Variants in PCSK2 observed in about 807,000 individuals in gnomAD.
PCSK2 encodes proprotein convertase subtilisin/kexin type 2.
Under a neutral mutation model 69.7 loss-of-function variants are expected in PCSK2, and 14 were observed. The ratio of observed to expected loss-of-function variants is 0.20; its 90% CI spans 0.13 to 0.31. The LOEUF (loss-of-function observed/expected upper bound fraction) is 0.31. Among genes scored for constraint, PCSK2 ranks in the 10% least tolerant of loss-of-function variants. The pLI is 1.00. For missense variants in PCSK2, 544 were observed against 842.5 expected, an observed-to-expected ratio of 0.65 and a Z score of 4.39; for synonymous variants, 307 against 320.7, an observed-to-expected ratio of 0.96 and a Z score of 0.46.
chr20:17,274,993 A>C (rs1436576154), intron 2 of PCSK2, among the ~76,000 whole-genome samples: 2 of 151,468 alleles, frequency 1.3e-5, no homozygotes, highest in African/African-American at 4.8e-5. Flanking sequence ...GTTTATATTT[A>C]ACTCGTAAAC....
chr20:17,304,233 T>C (rs903064844), intron 2 of PCSK2, among the ~76,000 whole-genome samples: 7 of 152,180 alleles, frequency 4.6e-5, no homozygotes, highest in African/African-American at 1.7e-4. Context: ...TTATGACCTA[T>C]TGTAAGTTTT....
chr20:17,342,889 C>T (rs1415139201), intron 2 of PCSK2, among the ~76,000 whole-genome samples: 1 of 152,026 alleles, frequency 6.6e-6, no homozygotes, highest in African/African-American at 2.4e-5. Flanking sequence ...CTCCTGGCTT[C>T]AAGGAATCCT....
chr20:17,361,275 C>A (rs2030384752), intron 4 of PCSK2, among the ~76,000 whole-genome samples: 1 of 152,178 alleles, frequency 6.6e-6, no homozygotes, highest in Admixed American at 6.5e-5. Context: ...TGTAAAGTAG[C>A]CTTTGATAAC....
At chr20:17,469,729 T>C (rs1173018037) in intron 11 of PCSK2, among the ~76,000 whole-genome samples, 1 of 152,110 alleles carries the variant, frequency 6.6e-6, no homozygotes, top group African/African-American at 2.4e-5. Context: ...ACAGTGCCAT[T>C]ACTGATGACA....
chr20:17,448,725 C>A (rs575486684), intron 8 of PCSK2, among the ~76,000 whole-genome samples: 5 of 152,234 alleles, frequency 3.3e-5, no homozygotes, highest in Admixed American at 2.6e-4. Flanking sequence ...AAAAAGTCCA[C>A]ACTAGTTGAG....
At chr20:17,421,456 G>A (rs547566676) in intron 6 of PCSK2, among the ~76,000 whole-genome samples, 2 of 152,220 alleles carry the variant, frequency 1.3e-5, no homozygotes, top group South Asian at 2.1e-4. Flanking sequence ...GCCAGCAAAC[G>A]TGGTCGACGC....
chr20:17,402,818 G>A (rs981153748), intron 5 of PCSK2, among the ~76,000 whole-genome samples: 40 of 152,170 alleles, frequency 2.6e-4, no homozygotes, highest in African/African-American at 8.7e-4. Flanking sequence ...TTAGCCAGGC[G>A]TGGTGGTGGG....
chr20:17,457,003 A>G (rs370461032), intron 10 of PCSK2, among the ~76,000 whole-genome samples: 7 of 152,226 alleles, frequency 4.6e-5, no homozygotes, highest in African/African-American at 1.7e-4. Context: ...GCTGAAGGTA[A>G]GAGGAGACCA....
chr20:17,282,854 T>C (rs1988371915), intron 2 of PCSK2, among the ~76,000 whole-genome samples: 1 of 152,180 alleles, frequency 6.6e-6, no homozygotes, highest in Admixed American at 6.5e-5. Context: ...AGAATGAGTC[T>C]GAGGGAGGCT....
At chr20:17,461,624 A>G (rs1427437166) in intron 10 of PCSK2, among the ~76,000 whole-genome samples, 6 of 152,212 alleles carry the variant, frequency 3.9e-5, no homozygotes, top group African/African-American at 1.2e-4. Flanking sequence ...TCCATTTTCA[A>G]TTTCTCTAAA....
At chr20:17,233,010 TA>T (rs1449096039) in intron 1 of PCSK2, among the ~76,000 whole-genome samples, 1 of 152,224 alleles carries the variant, frequency 6.6e-6, no homozygotes, top group East Asian at 1.9e-4. Flanking sequence ...CTGGTTGACC[TA>T]GACCACAGTG....
At chr20:17,415,134 G>A (rs1028074092) in intron 6 of PCSK2, among the ~76,000 whole-genome samples, 1 of 152,180 alleles carries the variant, frequency 6.6e-6, no homozygotes, top group Admixed American at 6.5e-5. Flanking sequence ...ACAAGACGAG[G>A]ATGCCCTCTG....
chr20:17,361,490 C>T (rs1384535332), intron 4 of PCSK2, among the ~76,000 whole-genome samples: 1 of 152,198 alleles, frequency 6.6e-6, no homozygotes, highest in Admixed American at 6.5e-5. Context: ...TTGTTGCCCT[C>T]CATCACCCAT....
intron 10 of PCSK2, chr20:17,464,736 C>T (rs1434651351): frequency 1.3e-5 from 2 of 152,898 alleles, no homozygotes; most frequent in Non-Finnish European, 2.9e-5. Context: ...ACCTGGAGTT[C>T]ATTCATTCTC....
At chr20:17,359,799 T>TC (rs1453219430) in intron 3 of PCSK2, among the ~76,000 whole-genome samples, 6 of 107,206 alleles carry the variant, frequency 5.6e-5, no homozygotes, top group Non-Finnish European at 9.5e-5. Context: ...GACTTCATTA[T>TC]TTTTTTTACA....
At chr20:17,350,909 G>T in intron 2 of PCSK2, among the ~76,000 whole-genome samples, 1 of 152,146 alleles carries the variant, frequency 6.6e-6, no homozygotes, top group South Asian at 2.1e-4. Flanking sequence ...GCATGGTGGC[G>T]AATGGCTGTA....
chr20:17,284,037 A>G (rs7261009), intron 2 of PCSK2, among the ~76,000 whole-genome samples: 1,590 of 152,256 alleles, frequency 0.01, 22 homozygotes, highest in African/African-American at 0.035. Context: ...ACAGGAATCC[A>G]TGTAGCCCTG....
In PCSK2 at chr20:17,453,768, C is replaced by T. The variant is rs772325454; in HGVS notation, c.912C>T (p.Tyr304=). 4 of 1,613,700 alleles carry T rather than the reference C, an allele frequency of 2.5e-6. No homozygotes were observed. In the African/African-American group the frequency reaches 4.0e-5, roughly 16 times the overall value. ...GCCGCGGCGGCAAAGGCAGCATCTACGTGTGGGCCTCCGGGGACGGCGGCA... is the reference window on the plus strand; with the variant it reads ...GCCGCGGCGGCAAAGGCAGCATCTATGTGTGGGCCTCCGGGGACGGCGGCA... The part of the protein sequence containing the change: ...NKGRGGKGSI[Y]VWASGDGGSY... Residue 304 remains tyrosine, a synonymous_variant, in exon 9 of 12, where the codon TAC becomes TAT. Transcript: ENST00000262545. The surrounding 1 kb of genome is among the most constrained non-coding windows in gnomAD (Gnocchi z 4.0).
intron 8 of PCSK2, among the ~76,000 whole-genome samples, chr20:17,437,144 G>A (rs1322559452): frequency 6.6e-6 from 1 of 152,188 alleles, no homozygotes; most frequent in South Asian, 2.1e-4. Context: ...GGCCGGGGGG[G>A]GGAGGGTCTC....
Sources: gnomAD v4.1 joint callset for allele counts (sites outside exome capture counted in the v4.1 genomes callset) on GRCh38, gnomAD v4.1.1 for gene constraint, Gnocchi (gnomAD v3.1) non-coding constraint, MANE v1.5 for transcripts, NCBI Gene and HGNC (gene_info 2026-07-23, HGNC 2026-07-21) for gene names.